The following BBX variants were observed in gnomAD, a reference collection of about 807,000 sequenced individuals.
The protein encoded by BBX is HMG box transcription factor BBX.
BBX carries 30 observed loss-of-function variants against 100.2 expected under a neutral mutation model. The observed-to-expected ratio is 0.30, with a 90% CI of 0.22 to 0.41. The LOEUF (loss-of-function observed/expected upper bound fraction) is 0.41. Ranked by LOEUF, BBX falls within the 10% of genes least tolerant of loss-of-function variation. BBX has a pLI of 1.00. For synonymous variants in BBX, 376 were observed against 388.1 expected, an observed-to-expected ratio of 0.97 and a Z score of 0.37; for missense variants, 1,023 against 1,129.8, an observed-to-expected ratio of 0.91 and a Z score of 1.35.
chr3:107,527,318 C>T (rs1462511088), intron 2 of BBX, among the ~76,000 whole-genome samples: 1 of 152,110 alleles, frequency 6.6e-6, no homozygotes, highest in East Asian at 1.9e-4. Flanking sequence ...TGTAATATTA[C>T]CATAGTGAAT....
At chr3:107,538,319 T>C (rs1022145077) in intron 2 of BBX, among the ~76,000 whole-genome samples, 15 of 152,214 alleles carry the variant, frequency 9.9e-5, no homozygotes, top group Non-Finnish European at 5.9e-5. Flanking sequence ...CACAGAATTA[T>C]ACGTTTGAGG....
intron 2 of BBX, among the ~76,000 whole-genome samples, chr3:107,573,997 T>C (rs904328205): frequency 6.6e-6 from 1 of 152,246 alleles, no homozygotes; most frequent in African/African-American, 2.4e-5. Flanking sequence ...AGTGCTGGGA[T>C]TACAGGCGTG....
intron 2 of BBX, among the ~76,000 whole-genome samples, chr3:107,559,612 A>AATT: frequency 6.6e-6 from 1 of 152,330 alleles, no homozygotes; most frequent in Admixed American, 6.5e-5. Context: ...TGCTGAACTA[A>AATT]AACTCAGGGA....
intron 3 of BBX, among the ~76,000 whole-genome samples, chr3:107,687,886 CT>C (rs1229635832): frequency 6.6e-6 from 1 of 152,066 alleles, no homozygotes; most frequent in Non-Finnish European, 1.5e-5. Flanking sequence ...GAAACCCCAT[CT>C]CTACTAAAAA....
At chr3:107,740,796 C>T (rs1480469915) in intron 7 of BBX, among the ~76,000 whole-genome samples, 2 of 151,726 alleles carry the variant, frequency 1.3e-5, no homozygotes, top group Non-Finnish European at 2.9e-5. Flanking sequence ...CTATCTTCCA[C>T]CTGTTCCCAC....
rs780167081 is a variant in BBX, at chr3:107,716,786, A to G, written c.342A>G (p.Leu114=). The part of the protein sequence containing the change: ...RLDNRGATKI[L]ADWWAVLDPK... ...ATAACCGAGGTGCTACCAAGATACT[A>G]GCTGATTGGTGGGCTGTTCTTGATC... is the stretch of plus-strand genomic sequence containing the variant. The change falls in exon 5 of 18, where the codon CTA becomes CTG. Residue 114 remains leucine (L), a synonymous_variant. Transcript: ENST00000325805. 1 of 1,613,754 alleles carries G rather than the reference A, an allele frequency of 6.2e-7. No homozygotes were observed. Among genetic ancestry groups the G allele is most frequent in the African/African-American group, 1.3e-5 (1 of 75,034 alleles).
chr3:107,532,846 A>G (rs1004345311), intron 2 of BBX, among the ~76,000 whole-genome samples: 1 of 152,160 alleles, frequency 6.6e-6, no homozygotes, highest in Non-Finnish European at 1.5e-5. Flanking sequence ...CTAAATTTTA[A>G]TTTGCCATAC....
At chr3:107,733,155 T>A in intron 7 of BBX, 132 bp downstream of exon 7, 1 of 783,262 alleles carries the variant, frequency 1.3e-6, no homozygotes, top group East Asian at 2.8e-5. Context: ...TCTTTCTCTT[T>A]AAGATCTTTC....
intron 3 of BBX, among the ~76,000 whole-genome samples, chr3:107,664,417 A>T (rs1370386495): frequency 6.6e-6 from 1 of 152,244 alleles, no homozygotes; most frequent in Non-Finnish European, 1.5e-5. Context: ...ATCTTTAGGA[A>T]TGATACTTTG....
intron 3 of BBX, among the ~76,000 whole-genome samples, chr3:107,707,908 AT>A (rs1049303241): frequency 6.6e-6 from 1 of 152,122 alleles, no homozygotes; most frequent in African/African-American, 2.4e-5. Flanking sequence ...CTAAAGATTT[AT>A]TTTTCTCTTG....
intron 3 of BBX, among the ~76,000 whole-genome samples, chr3:107,693,338 CG>C (rs1261335540): frequency 2.0e-5 from 3 of 151,838 alleles, no homozygotes; most frequent in African/African-American, 7.3e-5. Context: ...TTAGGTCTAA[CG>C]TTTAAGTCTT....
chr3:107,628,204 A>G (rs1020768743), intron 2 of BBX, among the ~76,000 whole-genome samples: 1 of 152,068 alleles, frequency 6.6e-6, no homozygotes, highest in African/African-American at 2.4e-5. Flanking sequence ...TACTGTACCA[A>G]CTTTAAAGAT....
At chr3:107,781,145 T>C (rs1479329570) in intron 13 of BBX, among the ~76,000 whole-genome samples, 1 of 152,086 alleles carries the variant, frequency 6.6e-6, no homozygotes, top group Non-Finnish European at 1.5e-5. Context: ...TATATAGTTG[T>C]ATATCTCAAA....
At chr3:107,655,922 G>T (rs1383535750) in intron 3 of BBX, among the ~76,000 whole-genome samples, 2 of 151,886 alleles carry the variant, frequency 1.3e-5, no homozygotes, top group Non-Finnish European at 2.9e-5. Context: ...GGATGGTCTC[G>T]ATCTCCTGAC....
chr3:107,748,209 A>G (rs1014317463), intron 9 of BBX, among the ~76,000 whole-genome samples, 170 bp downstream of exon 9: 3 of 152,206 alleles, frequency 2.0e-5, no homozygotes, highest in Non-Finnish European at 2.9e-5. Context: ...TGATCTAATC[A>G]TAGTCAAATC....
intron 8 of BBX, among the ~76,000 whole-genome samples, chr3:107,747,654 C>CT (rs537583023): frequency 2.2e-3 from 315 of 143,192 alleles, no homozygotes; most frequent in Admixed American, 3.9e-3. Context: ...ACATTTTTTC[C>CT]TTTTTTTTTT....
At chr3:107,592,544 G>A (rs145494432) in intron 2 of BBX, among the ~76,000 whole-genome samples, 54 of 152,070 alleles carry the variant, frequency 3.6e-4, no homozygotes, top group African/African-American at 1.2e-3. Context: ...AGGGAAATGT[G>A]AAACATTTAA....
At chr3:107,528,926 A>G (rs2047965752) in intron 2 of BBX, among the ~76,000 whole-genome samples, 1 of 152,204 alleles carries the variant, frequency 6.6e-6, no homozygotes, top group Admixed American at 6.5e-5. Context: ...GGGTAAAAGC[A>G]AGGGGTATAT....
At chr3:107,590,637 C>T (rs920250230) in intron 2 of BBX, among the ~76,000 whole-genome samples, 1 of 152,154 alleles carries the variant, frequency 6.6e-6, no homozygotes, top group Admixed American at 6.5e-5. Context: ...TTCTGAGTCT[C>T]CACTTCTCTT....
Sources: gnomAD v4.1 joint callset for allele counts (sites outside exome capture counted in the v4.1 genomes callset) on GRCh38, gnomAD v4.1.1 for gene constraint, MANE v1.5 for transcripts, NCBI Gene and HGNC (gene_info 2026-07-23, HGNC 2026-07-21) for gene names.